PADI4: variants seen among roughly 807,000 people sequenced by gnomAD.
PADI4 encodes the protein protein-arginine deiminase type-4.
Under a neutral mutation model 75.0 loss-of-function variants are expected in PADI4, and 62 were observed. The observed-to-expected ratio is 0.83, with a 90% CI of 0.67 to 1.02. The LOEUF is 1.02. Ranked by LOEUF, PADI4 falls within the 50% of genes least tolerant of loss-of-function variation. The probability of loss-of-function intolerance (pLI) is 0.00; values close to 1 mark genes in which losing one functional copy is unlikely to be tolerated. For synonymous variants in PADI4, 361 were observed against 348.1 expected (o/e 1.04, Z -0.41); for missense variants, 845 against 850.5 (o/e 0.99, Z 0.08).
chr1:17,319,751 A>C (rs1205822747), intron 1 of PADI4, among the ~76,000 whole-genome samples: 1 of 152,186 alleles, frequency 6.6e-6, no homozygotes, highest in Non-Finnish European at 1.5e-5. Context: ...CAGAGCACGG[A>C]AGCGAGGCTC....
chr1:17,343,960 C>G lies in PADI4; in HGVS notation c.935+1558C>G, dbSNP rs556027577. Among the ~76,000 whole-genome samples the G allele has an allele frequency of 9.2e-5, 14 of 152,244 alleles. No individual in the cohort carries two copies. The East Asian group carries it at 2.7e-3, about 29-fold the overall frequency. On this transcript the variant is annotated intron_variant, in intron 8 of 15. Coordinates refer to ENST00000375448, the MANE Select transcript of PADI4 (RefSeq NM_012387.3). ...CCAAAATGTGGAAGCAACTTTGGAACTGGGTAACAGACAGAGGTTGGAACG... is the reference window on the plus strand; with the variant it reads ...CCAAAATGTGGAAGCAACTTTGGAAGTGGGTAACAGACAGAGGTTGGAACG...
At chr1:17,334,220 G>T in intron 3 of PADI4, 1 of 571,142 alleles carries the variant, frequency 1.8e-6, no homozygotes. Flanking sequence ...GGCAGTGGTG[G>T]TGCGGGGAAT....
chr1:17,339,575 G>A, intron 5 of PADI4, 113 bp from the exon 6 acceptor site: 1 of 1,010,948 alleles, frequency 9.9e-7, no homozygotes, highest in South Asian at 1.4e-5. Context: ...ATGGTAAAGG[G>A]AGGTCTCAGG....
At chr1:17,323,330 C>CCA (rs56184105) in intron 1 of PADI4, among the ~76,000 whole-genome samples, 1 of 151,752 alleles carries the variant, frequency 6.6e-6, no homozygotes, top group Admixed American at 6.6e-5. Flanking sequence ...AGCACTTTTA[C>CCA]TTCCTTGGTT....
intron 6 of PADI4, 36 bp from the exon 7 acceptor site, chr1:17,341,907 G>T (rs767923599): frequency 6.5e-7 from 1 of 1,549,998 alleles, no homozygotes; most frequent in Non-Finnish European, 8.9e-7. Flanking sequence ...TCAGAAGTGG[G>T]GACGCAGACC....
In PADI4 at chr1:17,342,044, G is replaced by A. The variant is rs1043407018; in HGVS notation, c.754G>A (p.Glu252Lys). Residue 252 changes from glutamate to lysine, a missense_variant, in exon 7 of 16, where the codon GAG becomes AAG. By Grantham distance (56) the Glu-to-Lys change is moderately conservative. Coordinates refer to ENST00000375448, the MANE Select transcript of PADI4 (RefSeq NM_012387.3). Reference protein sequence around the residue: ...GGKHNMDFYVEALAFPDTDFP... With the variant: ...GGKHNMDFYVKALAFPDTDFP... Reference sequence around the variant, plus strand: ...AAAGCACAACATGGACTTCTACGTGGAGGCCCTCGCTTTCCCGGACACCGA... The same window carrying A: ...AAAGCACAACATGGACTTCTACGTGAAGGCCCTCGCTTTCCCGGACACCGA... 6 of 1,614,030 alleles carry A rather than the reference G, an allele frequency of 3.7e-6. No homozygotes were observed. The African/African-American group carries it at 6.7e-5, about 18-fold the overall frequency.
intron 5 of PADI4, among the ~76,000 whole-genome samples, chr1:17,338,705 T>C (rs2074361750): frequency 6.6e-6 from 1 of 152,212 alleles, no homozygotes; most frequent in African/African-American, 2.4e-5. Context: ...GGAGCAGGTT[T>C]AGAGGCATGA....
chr1:17,350,220 C>T (rs1009007429), intron 10 of PADI4, among the ~76,000 whole-genome samples: 2 of 129,448 alleles, frequency 1.5e-5, no homozygotes, highest in African/African-American at 5.0e-5. Context: ...TGGCACAAAG[C>T]TTCACACACA....
At chr1:17,316,497 G>A (rs1051514180) in intron 1 of PADI4, among the ~76,000 whole-genome samples, 1 of 151,766 alleles carries the variant, frequency 6.6e-6, no homozygotes, top group South Asian at 2.1e-4. Flanking sequence ...AGACCATCCT[G>A]GCTAACACAG....
intron 15 of PADI4, 104 bp from the exon 16 acceptor site, chr1:17,363,417 CT>C: frequency 1.3e-6 from 1 of 753,364 alleles, no homozygotes; most frequent in South Asian, 1.7e-5. Context: ...GCCACCACCC[CT>C]GGAGGGGCTA....
chr1:17,336,063 A>T, intron 3 of PADI4, 96 bp from the exon 4 acceptor site: 1 of 792,600 alleles, frequency 1.3e-6, no homozygotes, highest in Non-Finnish European at 2.2e-6. Flanking sequence ...GGGTGCACAC[A>T]GTCCCCTGGG....
intron 1 of PADI4, among the ~76,000 whole-genome samples, chr1:17,321,351 G>A (rs1569996589): frequency 6.6e-6 from 1 of 152,172 alleles, no homozygotes; most frequent in Non-Finnish European, 1.5e-5. Flanking sequence ...CCAGGCCAGG[G>A]CCCACCCTCA....
intron 6 of PADI4, among the ~76,000 whole-genome samples, chr1:17,341,614 C>T (rs1341489353): frequency 6.6e-6 from 1 of 152,194 alleles, no homozygotes; most frequent in East Asian, 1.9e-4. Context: ...CTCCCTGGTC[C>T]CCTGCTGTGC....
At chr1:17,325,767 G>T (rs549712557) in intron 1 of PADI4, among the ~76,000 whole-genome samples, 1 of 151,302 alleles carries the variant, frequency 6.6e-6, no homozygotes, top group African/African-American at 2.4e-5. Context: ...GGAGTGCAAT[G>T]GCACAATCTT....
intron 11 of PADI4, among the ~76,000 whole-genome samples, chr1:17,355,314 G>T (rs1229488752): frequency 6.6e-6 from 1 of 152,192 alleles, no homozygotes; most frequent in Non-Finnish European, 1.5e-5. Flanking sequence ...CACTTTGGGA[G>T]GCCAAGGCAG....
rs775117608 is a variant in PADI4 at position 17,359,406 on chromosome 1, A to T, written c.1756A>T (p.Met586Leu). ...FSKAEAFFPN[M>L]VNMLVLGKHL... ...TAAGGCGGAAGCTTTTTTCCCCAAC[A>T]TGGTGAGGAGGTGGCGGCTTTAAAA... Residue 586 changes from methionine to leucine, a missense_variant and splice_region_variant, in exon 15 of 16, where the codon ATG becomes TTG. Physicochemically the swap from Met to Leu is conservative, Grantham distance 15. Coordinates refer to ENST00000375448, the MANE Select transcript of PADI4 (RefSeq NM_012387.3). 5 of 1,612,970 alleles carry T rather than the reference A, an allele frequency of 3.1e-6. No homozygotes were observed. Among genetic ancestry groups the T allele is most frequent in the Non-Finnish European group, 8.5e-7 (1 of 1,179,422 alleles).
intron 5 of PADI4, among the ~76,000 whole-genome samples, chr1:17,338,632 G>T (rs1223870657): frequency 6.6e-6 from 1 of 152,178 alleles, no homozygotes; most frequent in African/African-American, 2.4e-5. Context: ...TAAGCAATTT[G>T]CCCAAGGTCA....
chr1:17,318,125 G>A (rs1328919724), intron 1 of PADI4, among the ~76,000 whole-genome samples: 2 of 152,224 alleles, frequency 1.3e-5, no homozygotes, highest in South Asian at 2.1e-4. Context: ...TCCCCAGTGA[G>A]GCAGATGCTG....
Position 17,363,744 on chromosome 1 carries a change from A to C in PADI4, c.1981A>C (p.Met661Leu). 6.2e-7 allele frequency: 1 copy of C among 1,612,336 alleles called. No individual in the cohort carries two copies. The highest frequency in any genetic ancestry group is 8.5e-7 in the Non-Finnish European group (1 of 1,178,402). ...GCCCTTCTCCTTCAAGTGGTGGAAC[A>C]TGGTGCCCTGAGCCCATCTTCCCTG... ...RKPFSFKWWN[M>L]VP Residue 661 changes from methionine (M) to leucine (L), a missense_variant, in exon 16 of 16, where the codon ATG (methionine) becomes CTG (leucine). Met to Leu is a conservative substitution (Grantham distance 15, BLOSUM62 2). Coordinates refer to ENST00000375448, the MANE Select transcript of PADI4 (RefSeq NM_012387.3).
Sources: allele counts gnomAD v4.1 joint callset (sites outside exome capture counted in the v4.1 genomes callset), GRCh38; gene constraint gnomAD v4.1.1; transcripts MANE v1.5; gene names NCBI Gene and HGNC (gene_info 2026-07-23, HGNC 2026-07-21).